The following PLAC1 variants were observed in gnomAD, a reference collection of about 807,000 sequenced individuals.
The protein encoded by PLAC1 is placenta associated 1, also known as placenta-specific protein 1.
For missense variants in PLAC1, 136 were observed against 163.2 expected (o/e 0.83, Z 0.91); for synonymous variants, 68 against 62.1 (o/e 1.09, Z -0.44).
chrX:134,571,202 G>A lies in PLAC1; in HGVS notation c.-58-4462C>T, dbSNP rs761650320. ...CCCCCATCGTTAAATTTTTTATGCT[G>A]AAAATGCTGCTTATAAAGTTCAGCA... On this transcript the variant is annotated intron_variant, in intron 2 of 2. Coordinates refer to ENST00000359237, the MANE Select transcript of PLAC1 (RefSeq NM_021796.4). 1.2e-4 allele frequency among the ~76,000 whole-genome samples: 14 copies of A among 112,325 alleles called. No individual in the cohort carries two copies. In the South Asian group the frequency reaches 4.4e-3, roughly 35 times the overall value.
intron 1 of PLAC1, among the ~76,000 whole-genome samples, chrX:134,603,174 A>G (rs191641897): frequency 1.0e-5 from 1 of 95,847 alleles, no homozygotes; most frequent in African/African-American, 3.8e-5. Flanking sequence ...TGCCAACAGA[A>G]TCTGTTAAAA....
At chrX:134,657,423 A>G (rs2147803241) in intron 1 of PLAC1, among the ~76,000 whole-genome samples, 1 of 112,186 alleles carries the variant, frequency 8.9e-6, no homozygotes, top group Non-Finnish European at 1.9e-5. Flanking sequence ...CAGAGAGGAT[A>G]AGCAACTTGC....
At chrX:134,569,837 ATTAT>A (rs1214208859) in intron 2 of PLAC1, among the ~76,000 whole-genome samples, 2 of 95,907 alleles carry the variant, frequency 2.1e-5, no homozygotes, top group Non-Finnish European at 4.1e-5. Context: ...TATTATTGTT[ATTAT>A]TTGAGACGGA....
At chrX:134,593,172 G>T (rs1467866488) in intron 2 of PLAC1, among the ~76,000 whole-genome samples, 3 of 111,706 alleles carry the variant, frequency 2.7e-5, no homozygotes, top group Non-Finnish European at 5.6e-5. Flanking sequence ...TGTTTAAAAG[G>T]CTATCTTTCC....
chrX:134,720,414 C>T (rs1340579577), intron 2 of PLAC1, among the ~76,000 whole-genome samples: 1 of 110,434 alleles, frequency 9.1e-6, no homozygotes, highest in Non-Finnish European at 1.9e-5. Flanking sequence ...CAGTACTCCC[C>T]CAATTGTTCT....
intron 1 of PLAC1, among the ~76,000 whole-genome samples, chrX:134,616,158 A>G (rs2078178249): frequency 9.1e-6 from 1 of 110,399 alleles, no homozygotes; most frequent in African/African-American, 3.3e-5. Flanking sequence ...TAAAAAAATT[A>G]TTTTGTAGAG....
intron 2 of PLAC1, among the ~76,000 whole-genome samples, chrX:134,724,227 T>C (rs2078667117): frequency 8.9e-6 from 1 of 112,539 alleles, no homozygotes; most frequent in African/African-American, 3.2e-5. Context: ...GTCAATATTA[T>C]TGTGCCATTG....
intron 2 of PLAC1, among the ~76,000 whole-genome samples, chrX:134,679,100 C>T (rs1320483353): frequency 8.9e-6 from 1 of 111,743 alleles, no homozygotes; most frequent in Admixed American, 9.5e-5. Flanking sequence ...TGAAAGAAAA[C>T]ATTTTCTGTA....
At chrX:134,761,138 G>A (rs1167050585) in intron 1 of PLAC1, among the ~76,000 whole-genome samples, 2 of 111,390 alleles carry the variant, frequency 1.8e-5, no homozygotes, top group African/African-American at 3.3e-5. Context: ...GGGAGGTCAT[G>A]TAGTAATCGC....
chrX:134,588,966 G>A (rs2078020410), intron 2 of PLAC1, among the ~76,000 whole-genome samples: 1 of 111,530 alleles, frequency 9.0e-6, no homozygotes, highest in Non-Finnish European at 1.9e-5. Context: ...ATCATGGTAT[G>A]TTGAGAAGAA....
chrX:134,656,693 T>C (rs2078393376), intron 1 of PLAC1, among the ~76,000 whole-genome samples: 3 of 111,405 alleles, frequency 2.7e-5, no homozygotes, highest in African/African-American at 9.8e-5. Context: ...CAAGTGATCC[T>C]CCCATCTCAG....
chrX:134,569,739 A>AGTGTGTGT (rs749953575), intron 2 of PLAC1, among the ~76,000 whole-genome samples: 750 of 72,057 alleles, frequency 0.01, 6 homozygotes, highest in East Asian at 0.02. Flanking sequence ...AGGGTAGAGT[A>AGTGTGTGT]GTGTGTGTGT....
At chrX:134,658,229 G>GCCAAGGCATAAGGTGACCTA (rs1480671649) in intron 1 of PLAC1, 99 bp downstream of exon 1, 9 of 112,526 alleles carry the variant, frequency 8.0e-5, no homozygotes, top group African/African-American at 2.3e-4. Context: ...CATGCTGGCT[G>GCCAAGGCATAAGGTGACCTA]CCAAGGCATA....
chrX:134,748,330 C>CA (rs748380889), intron 1 of PLAC1, among the ~76,000 whole-genome samples: 787 of 48,030 alleles, frequency 0.016, 10 homozygotes, highest in African/African-American at 0.051. Context: ...GACTCCATCT[C>CA]AAAAAAAAAA....
intron 2 of PLAC1, among the ~76,000 whole-genome samples, chrX:134,723,008 A>G (rs1040222676): frequency 7.2e-5 from 8 of 110,434 alleles, no homozygotes; most frequent in Non-Finnish European, 1.1e-4. Context: ...GATTCTGAAT[A>G]CTGTCTCTTT....
intron 2 of PLAC1, among the ~76,000 whole-genome samples, chrX:134,592,755 G>C (rs1353396813): frequency 2.6e-4 from 22 of 83,998 alleles, no homozygotes; most frequent in African/African-American, 1.1e-3. Flanking sequence ...ACAGAGTCTC[G>C]CTCTGTCGCC....
upstream of PLAC1, among the ~76,000 whole-genome samples, chrX:134,661,263 G>C (rs1421854681): frequency 2.7e-5 from 3 of 112,041 alleles, no homozygotes; most frequent in African/African-American, 9.7e-5. Context: ...CTAATGTAAA[G>C]TATAAGTAAA....
At chrX:134,741,507 G>A (rs1036018502) in intron 1 of PLAC1, among the ~76,000 whole-genome samples, 2 of 111,194 alleles carry the variant, frequency 1.8e-5, no homozygotes, top group Non-Finnish European at 3.8e-5. Context: ...CCCAATCACC[G>A]AGGAGGGAGA....
At chrX:134,662,954 T>C (rs750933713), upstream of PLAC1, among the ~76,000 whole-genome samples, 3 of 111,702 alleles carry the variant, frequency 2.7e-5, no homozygotes, top group Non-Finnish European at 5.6e-5. Context: ...AAGCCTAAAA[T>C]ATTTACTATC....
Sources: gnomAD v4.1 joint callset for allele counts (sites outside exome capture counted in the v4.1 genomes callset) on GRCh38, gnomAD v4.1.1 for gene constraint, MANE v1.5 for transcripts, NCBI Gene and HGNC (gene_info 2026-07-23, HGNC 2026-07-21) for gene names.